The following DOP1B variants were observed in gnomAD, a reference collection of about 807,000 sequenced individuals.
The protein encoded by DOP1B is DOP1 leucine zipper like protein B, also known as protein DOP1B.
DOP1B carries 174 observed loss-of-function variants against 233.5 expected under a neutral mutation model. That is an observed-to-expected ratio of 0.75 (90% CI 0.66 to 0.85). DOP1B has a LOEUF of 0.85. Ranked by LOEUF, DOP1B falls within the 40% of genes least tolerant of loss-of-function variation. The probability of loss-of-function intolerance (pLI) is 0.00; values close to 1 mark genes in which losing one functional copy is unlikely to be tolerated. For synonymous variants in DOP1B, 1,190 were observed against 1,185.6 expected (o/e 1.00, Z -0.08); for missense variants, 2,652 against 2,846.6 (o/e 0.93, Z 1.56).
intron 35 of DOP1B, among the ~76,000 whole-genome samples, chr21:36,289,421 TATG>T (rs2067529932): frequency 1.6e-5 from 2 of 127,004 alleles, no homozygotes; most frequent in Non-Finnish European, 3.5e-5. Flanking sequence ...AATGTGTTTC[TATG>T]GTGTGTGTGT....
chr21:36,267,579 GA>G (rs951941310), intron 26 of DOP1B, among the ~76,000 whole-genome samples: 1 of 148,210 alleles, frequency 6.7e-6, no homozygotes, highest in Non-Finnish European at 1.5e-5. Flanking sequence ...AGCTACCTGG[GA>G]GCCTAAGGAT....
Position 36,200,218 on chromosome 21 carries a change from A to C in DOP1B, c.321-113A>C, listed in dbSNP as rs997222162. The C allele has an allele frequency of 2.2e-6, 3 of 1,354,128 alleles. No individual in the cohort carries two copies. In the African/African-American group the frequency reaches 4.4e-5, roughly 20 times the overall value. The allele number at this position is 1,354,128 out of a possible 1,614,324, so 83.9% of individuals were successfully genotyped here. A position where few individuals can be genotyped will look rare whatever the true frequency, so the allele number is the denominator to read the frequency against. On this transcript the variant is annotated intron_variant, in intron 3 of 36. Transcript: ENST00000691173. ...GTCATACCCACACATCGAAACCAGC[A>C]GTTTAAATGGCCAGCTGTTTGCTTG...
chr21:36,199,698 G>T (rs1010231671), intron 3 of DOP1B, among the ~76,000 whole-genome samples: 10 of 150,776 alleles, frequency 6.6e-5, no homozygotes, highest in African/African-American at 2.5e-4. Flanking sequence ...TTGGTTTTTT[G>T]TCCTTGCGAT....
intron 2 of DOP1B, among the ~76,000 whole-genome samples, chr21:36,174,197 T>G (rs12482539): frequency 0.069 from 10,521 of 152,174 alleles, 1,200 homozygotes; most frequent in African/African-American, 0.24. Context: ...ACCTAAAAAC[T>G]TGGTGAGAGG....
rs142292280 is a variant in DOP1B at position 36,163,173 on chromosome 21, G to A, written c.-26-1535G>A. 7.2e-4 allele frequency among the ~76,000 whole-genome samples: 110 copies of A among 151,948 alleles called. 2 individuals carry two copies. The highest frequency in any genetic ancestry group is 2.5e-3 in the African/African-American group (104 of 41,480). ...CAGCCTGACCAACACGTGAAACCCC[G>A]TCTCTACTAAAAATACAAAAATTAG... On this transcript the variant is annotated intron_variant, in intron 1 of 36. Transcript: ENST00000691173.
intron 35 of DOP1B, among the ~76,000 whole-genome samples, chr21:36,291,009 AC>A (rs2067550800): frequency 6.6e-6 from 1 of 151,192 alleles, no homozygotes. Flanking sequence ...CATGTCTGTA[AC>A]CCCAGCACTT....
rs761406534 is a variant in DOP1B at position 36,246,553 on chromosome 21, C to T, written c.4573C>T (p.His1525Tyr). The T allele has an allele frequency of 2.5e-6, 4 of 1,614,072 alleles. No individual in the cohort carries two copies. Among genetic ancestry groups the T allele is most frequent in the African/African-American group, 2.7e-5 (2 of 74,950 alleles). ...MHPAWVSLVT[H>Y]SLPYFGKSLG... ...TCCGGCCTGGGTGAGCTTGGTCACGCATTCCTTGCCCTACTTCGGAAAGTC... is the reference window on the plus strand; with the variant it reads ...TCCGGCCTGGGTGAGCTTGGTCACGTATTCCTTGCCCTACTTCGGAAAGTC... Residue 1525 changes from histidine (H) to tyrosine (Y), a missense_variant, in exon 19 of 37, where the codon CAT becomes TAT. His to Tyr is a moderately conservative substitution (Grantham distance 83). Coordinates refer to ENST00000691173, the MANE Select transcript of DOP1B (RefSeq NM_001320714.2). This position sits in a 1 kb window ranked among gnomAD's most constrained non-coding sequence, Gnocchi z 5.1.
intron 7 of DOP1B, 119 bp downstream of exon 7, chr21:36,212,216 A>G (rs1469103330): frequency 2.5e-6 from 3 of 1,197,450 alleles, no homozygotes. Flanking sequence ...ATGGAAAGAT[A>G]CCACAATGAC....
In DOP1B at chr21:36,278,567, A is replaced by G. The variant is rs530119351; in HGVS notation, c.5969+212A>G. 1.4e-4 allele frequency among the ~76,000 whole-genome samples: 22 copies of G among 152,264 alleles called. No individual in the cohort carries two copies. In the Middle Eastern group the frequency reaches 0.014, roughly 94 times the overall value. ...TACAAAGAGGAATATCACTTAATTC[A>G]GAGAGCATGTTATTTCCTGGCTGGG... is the stretch of plus-strand genomic sequence containing the variant. On this transcript the variant is annotated intron_variant, in intron 30 of 36. Coordinates refer to ENST00000691173, the MANE Select transcript of DOP1B (RefSeq NM_001320714.2).
intron 11 of DOP1B, 94 bp downstream of exon 11, chr21:36,223,444 A>G: frequency 2.0e-6 from 3 of 1,474,996 alleles, no homozygotes; most frequent in Non-Finnish European, 9.0e-7. Context: ...ATATATAAGT[A>G]GCTGAAGCTG....
chr21:36,246,297 T>G lies in DOP1B; in HGVS notation c.4317T>G (p.Ile1439Met), dbSNP rs1295240798. The G allele has an allele frequency of 8.7e-6, 14 of 1,613,830 alleles. No individual in the cohort carries two copies. The highest frequency in any genetic ancestry group is 4.0e-5 in the African/African-American group (3 of 74,942). Residue 1439 changes from isoleucine to methionine, a missense_variant, in exon 19 of 37, where the codon ATT becomes ATG. Physicochemically the swap from Ile to Met is conservative, Grantham distance 10 (BLOSUM62 1). Around this residue, in one of 3 missense-constraint regions of DOP1B, gnomAD observed 2,617 missense variants for 2,794.3 expected, o/e 0.94. Transcript: ENST00000691173. The surrounding 1 kb of genome is among the most constrained non-coding windows in gnomAD (Gnocchi z 5.1). ...TCTGGAGTGAGCACCCGCTGCAGATTGAGCTGCTGAAGCTGCTGCAGGTGC... is the reference window on the plus strand; with the variant it reads ...TCTGGAGTGAGCACCCGCTGCAGATGGAGCTGCTGAAGCTGCTGCAGGTGC... The part of the protein sequence containing the change: ...DQIWSEHPLQ[I>M]ELLKLLQVLI...
At chr21:36,196,272 T>C (rs1219881634) in intron 2 of DOP1B, among the ~76,000 whole-genome samples, 3 of 152,190 alleles carry the variant, frequency 2.0e-5, no homozygotes, top group Non-Finnish European at 4.4e-5. Flanking sequence ...CTTGAATCCA[T>C]GGAGAAAGCT....
chr21:36,159,930 T>C (rs2065855125), intron 1 of DOP1B, among the ~76,000 whole-genome samples: 1 of 152,232 alleles, frequency 6.6e-6, no homozygotes, highest in South Asian at 2.1e-4. Flanking sequence ...CTCTGACACT[T>C]ACGTGTCCCA....
chr21:36,263,960 A>T (rs1303242792), intron 26 of DOP1B, 146 bp downstream of exon 26: 3 of 863,806 alleles, frequency 3.5e-6, no homozygotes, highest in Non-Finnish European at 5.5e-6. Context: ...TACTTCTGCC[A>T]TCACTGTCTC....
chr21:36,230,621 A>C lies in DOP1B; in HGVS notation c.1837A>C (p.Arg613=). The C allele has an allele frequency of 1.9e-6, 3 of 1,614,216 alleles. No individual in the cohort carries two copies. Among genetic ancestry groups the C allele is most frequent in the Non-Finnish European group, 2.5e-6 (3 of 1,180,040 alleles). ...HLRVPRVSLE[R]DDVWKKGGSM... ...GAGGGTTCCTCGAGTTTCTCTGGAA[A>C]GGGACGACGTTTGGAAGAAGGGCGG... The change falls in exon 14 of 37, where the codon AGG becomes CGG. Residue 613 remains arginine (R), a synonymous_variant. Coordinates refer to ENST00000691173, the MANE Select transcript of DOP1B (RefSeq NM_001320714.2).
intron 2 of DOP1B, among the ~76,000 whole-genome samples, chr21:36,197,498 C>G (rs893891247): frequency 6.6e-6 from 1 of 152,092 alleles, no homozygotes; most frequent in African/African-American, 2.4e-5. Context: ...CCCAACTGCC[C>G]GCTTTGTTCT....
At chr21:36,227,661 G>A in intron 12 of DOP1B, 25 bp from the exon 13 acceptor site, 1 of 1,474,664 alleles carries the variant, frequency 6.8e-7, no homozygotes, top group Non-Finnish European at 9.1e-7. Flanking sequence ...ACATTGTGGG[G>A]TTAACCTACA....
At chr21:36,274,815 AT>A (rs570517731) in intron 27 of DOP1B, among the ~76,000 whole-genome samples, 208 of 151,224 alleles carry the variant, frequency 1.4e-3, no homozygotes, top group Middle Eastern at 6.8e-3. Context: ...GCCAAGCAGA[AT>A]TAAGGACCAG....
chr21:36,161,991 T>C (rs80346107), intron 1 of DOP1B, among the ~76,000 whole-genome samples: 3 of 152,294 alleles, frequency 2.0e-5, no homozygotes, highest in Non-Finnish European at 2.9e-5. Flanking sequence ...ATTTTGTGGA[T>C]GGATGCTTGT....
Sources: gnomAD v4.1 joint callset for allele counts (sites outside exome capture counted in the v4.1 genomes callset) on GRCh38, gnomAD v4.1.1 for gene constraint, gnomAD v4.1.1 regional missense constraint, Gnocchi (gnomAD v3.1) non-coding constraint, MANE v1.5 for transcripts, NCBI Gene and HGNC (gene_info 2026-07-23, HGNC 2026-07-21) for gene names.